The following RBM47 variants were observed in gnomAD, a reference collection of about 807,000 sequenced individuals.
RBM47 encodes the protein RNA-binding protein 47.
A neutral mutation model predicts 47.1 loss-of-function variants in RBM47; 21 were observed. The ratio of observed to expected loss-of-function variants is 0.45; its 90% CI spans 0.32 to 0.64. The LOEUF is 0.64. RBM47 is among the 30% of genes least tolerant of loss of function. The pLI, the probability that RBM47 is intolerant of heterozygous loss-of-function variation, is 0.05. For synonymous variants in RBM47, 375 were observed against 361.7 expected, an observed-to-expected ratio of 1.04 and a Z score of -0.42; for missense variants, 708 against 870.9, an observed-to-expected ratio of 0.81 and a Z score of 2.35.
chr4:40,581,601 G>C (rs1402736565), intron 1 of RBM47, among the ~76,000 whole-genome samples: 1 of 151,744 alleles, frequency 6.6e-6, no homozygotes, highest in Admixed American at 6.6e-5. Flanking sequence ...CAATCTACTT[G>C]TGAGTGGATG....
intron 1 of RBM47, among the ~76,000 whole-genome samples, chr4:40,627,531 A>G (rs1361103881): frequency 6.6e-6 from 1 of 152,268 alleles, no homozygotes; most frequent in African/African-American, 2.4e-5. Context: ...ATGAAAGCTC[A>G]GTCATTTGGG....
At chr4:40,605,178 G>T (rs1019026047) in intron 1 of RBM47, among the ~76,000 whole-genome samples, 21 of 148,812 alleles carry the variant, frequency 1.4e-4, no homozygotes, top group African/African-American at 4.7e-4. Flanking sequence ...ACCCGCCACC[G>T]CGCCCAGCTA....
intron 4 of RBM47, among the ~76,000 whole-genome samples, chr4:40,437,338 A>G (rs1712805575): frequency 6.6e-6 from 1 of 151,504 alleles, no homozygotes. Context: ...CCCAGAACCT[A>G]TGTATCTTAT....
intron 1 of RBM47, among the ~76,000 whole-genome samples, chr4:40,594,303 G>A (rs1470454473): frequency 6.6e-6 from 1 of 152,196 alleles, no homozygotes; most frequent in African/African-American, 2.4e-5. Flanking sequence ...TTTCTGAGAT[G>A]TTTTGTAAAA....
intron 4 of RBM47, among the ~76,000 whole-genome samples, chr4:40,437,510 G>A (rs373649961): frequency 1.2e-4 from 18 of 152,230 alleles, no homozygotes; most frequent in African/African-American, 4.3e-4. Flanking sequence ...GGTGGACCTC[G>A]GCAAGGAAGA....
Position 40,544,424 on chromosome 4 carries a change from A to G in RBM47, c.-157T>C, listed in dbSNP as rs2154262566. On this transcript the variant is annotated splice_region_variant and 5_prime_UTR_variant, in exon 2 of 7. Transcript: ENST00000295971. ...TGGTGAAGATGATGCCAACTTACCA[A>G]ACCTCCTCAGTGAGCCAAGGATTGC... 6.6e-6 allele frequency: 1 copy of G among 152,320 alleles called. No homozygotes were observed. Among genetic ancestry groups the G allele is most frequent in the South Asian group, 2.1e-4 (1 of 4,826 alleles). 9.4% of individuals were successfully genotyped at this position (152,320 alleles called of 1,614,324 possible).
intron 2 of RBM47, among the ~76,000 whole-genome samples, chr4:40,524,803 A>T (rs1426015497): frequency 6.6e-6 from 1 of 152,174 alleles, no homozygotes; most frequent in Non-Finnish European, 1.5e-5. Flanking sequence ...ATTACTATGA[A>T]TGAAAAGCCA....
At chr4:40,568,709 G>C (rs1280097044) in intron 1 of RBM47, among the ~76,000 whole-genome samples, 2 of 151,884 alleles carry the variant, frequency 1.3e-5, no homozygotes, top group African/African-American at 4.8e-5. Context: ...TTAAAACACA[G>C]TAGAAGGTCT....
chr4:40,548,022 C>CA (rs1729187486), intron 1 of RBM47, among the ~76,000 whole-genome samples: 1 of 152,184 alleles, frequency 6.6e-6, no homozygotes, highest in African/African-American at 2.4e-5. Flanking sequence ...GTTGAGAAGA[C>CA]AAAGTCATTG....
chr4:40,586,543 C>G (rs772414765), intron 1 of RBM47, among the ~76,000 whole-genome samples: 1 of 150,468 alleles, frequency 6.6e-6, no homozygotes, highest in Non-Finnish European at 1.5e-5. Context: ...AAACGCCTTA[C>G]CCTGTTAACC....
Position 40,450,591 on chromosome 4 carries a change from A to G in RBM47, c.-31-11667T>C, listed in dbSNP as rs187869136. On this transcript the variant is annotated intron_variant, in intron 3 of 6. Coordinates refer to ENST00000295971, the MANE Select transcript of RBM47 (RefSeq NM_001098634.2). ...CACTCCAGCCTGGGTGACACACAAG[A>G]CTCTGTCTCAAAAAAGAAAAAAAAA... 1.6e-3 allele frequency among the ~76,000 whole-genome samples: 247 copies of G among 151,886 alleles called. 4 individuals are homozygous for G. The highest frequency in any genetic ancestry group is 0.014 in the Admixed American group (218 of 15,248).
chr4:40,561,544 C>CTTTTTTTTTTTTTTTTTTT (rs796381156), intron 1 of RBM47, among the ~76,000 whole-genome samples: 2 of 124,576 alleles, frequency 1.6e-5, no homozygotes, highest in Non-Finnish European at 1.6e-5. Flanking sequence ...TTCTTCTTTT[C>CTTTTTTTTTTTTTTTTTTT]TTTTTTTTTT....
At chr4:40,497,475 G>C (rs1341678553) in intron 2 of RBM47, among the ~76,000 whole-genome samples, 1 of 151,148 alleles carries the variant, frequency 6.6e-6, no homozygotes, top group African/African-American at 2.4e-5. Context: ...AAAATGAGTT[G>C]AGCGTGGTAG....
intron 2 of RBM47, among the ~76,000 whole-genome samples, chr4:40,472,274 A>G (rs1265676860): frequency 6.6e-6 from 1 of 152,186 alleles, no homozygotes; most frequent in Non-Finnish European, 1.5e-5. Context: ...ATCGTCATTA[A>G]TAGTTAAAAA....
intron 2 of RBM47, among the ~76,000 whole-genome samples, chr4:40,539,902 C>G (rs923805551): frequency 6.6e-6 from 1 of 152,088 alleles, no homozygotes; most frequent in African/African-American, 2.4e-5. Context: ...GAAACAATGT[C>G]TTCACCAGGC....
At chr4:40,526,335 T>C (rs1726704379) in intron 2 of RBM47, among the ~76,000 whole-genome samples, 2 of 152,194 alleles carry the variant, frequency 1.3e-5, no homozygotes, top group Admixed American at 1.3e-4. Context: ...TTCAGAGTTT[T>C]CTAAATCATA....
At chr4:40,626,148 A>G (rs1284330721) in intron 1 of RBM47, among the ~76,000 whole-genome samples, 2 of 152,224 alleles carry the variant, frequency 1.3e-5, no homozygotes, top group African/African-American at 4.8e-5. Context: ...CTAAGTTCCT[A>G]TGATGACAAA....
At chr4:40,504,415 C>T (rs549103613) in intron 2 of RBM47, among the ~76,000 whole-genome samples, 1 of 151,894 alleles carries the variant, frequency 6.6e-6, no homozygotes, top group Non-Finnish European at 1.5e-5. Flanking sequence ...CTCAGCCTTC[C>T]CAGTAGCTGG....
chr4:40,588,548 AC>A (rs1733812831), intron 1 of RBM47, among the ~76,000 whole-genome samples: 1 of 152,202 alleles, frequency 6.6e-6, no homozygotes. Context: ...TCTGAAATTC[AC>A]ACAGCAGGTC....
Sources: gnomAD v4.1 joint callset for allele counts (sites outside exome capture counted in the v4.1 genomes callset) on GRCh38, gnomAD v4.1.1 for gene constraint, MANE v1.5 for transcripts, NCBI Gene and HGNC (gene_info 2026-07-23, HGNC 2026-07-21) for gene names.